Variants in GALNTL6 observed in about 807,000 individuals in gnomAD.
GALNTL6 encodes polypeptide N-acetylgalactosaminyltransferase like 6.
GALNTL6 carries 46 observed loss-of-function variants against 73.7 expected under a neutral mutation model. The observed-to-expected ratio is 0.62, with a 90% CI of 0.49 to 0.80. The LOEUF (loss-of-function observed/expected upper bound fraction) is 0.80, where lower values mean the gene tolerates loss of function less well. Ranked by LOEUF, GALNTL6 falls within the 30% of genes least tolerant of loss-of-function variation. The pLI, the probability that GALNTL6 is intolerant of heterozygous loss-of-function variation, is 0.00. For synonymous variants in GALNTL6, 259 were observed against 263.7 expected (o/e 0.98, Z 0.17); for missense variants, 604 against 755.0 (o/e 0.80, Z 2.34).
intron 5 of GALNTL6, among the ~76,000 whole-genome samples, chr4:172,795,405 C>T (rs780372541): frequency 1.4e-4 from 21 of 152,224 alleles, no homozygotes; most frequent in Non-Finnish European, 2.9e-4. Flanking sequence ...GGTGGTGTGA[C>T]TGGTGACCTC....
chr4:172,705,970 T>G (rs1317854825), intron 5 of GALNTL6, among the ~76,000 whole-genome samples: 2 of 152,110 alleles, frequency 1.3e-5, no homozygotes, highest in Non-Finnish European at 2.9e-5. Flanking sequence ...TTAAATCTGT[T>G]TGGTGATCTT....
intron 3 of GALNTL6, among the ~76,000 whole-genome samples, chr4:172,295,201 C>T (rs758335151): frequency 6.6e-6 from 1 of 152,036 alleles, no homozygotes. Flanking sequence ...GTGGGTGGAT[C>T]ACCTGAGGTC....
intron 5 of GALNTL6, among the ~76,000 whole-genome samples, chr4:172,746,172 G>A (rs7694597): frequency 0.96 from 145,969 of 152,128 alleles, 70,311 homozygotes; most frequent in East Asian, 1. Flanking sequence ...ATTGCTTGCT[G>A]TGTTTTGTTA....
intron 5 of GALNTL6, among the ~76,000 whole-genome samples, chr4:172,698,592 A>G (rs533427010): frequency 6.6e-6 from 1 of 152,280 alleles, no homozygotes; most frequent in East Asian, 1.9e-4. Context: ...TGACCCAGCT[A>G]ACATTCAAGC....
At chr4:172,031,921 T>TA (rs1741783795) in intron 2 of GALNTL6, among the ~76,000 whole-genome samples, 1 of 152,052 alleles carries the variant, frequency 6.6e-6, no homozygotes, top group African/African-American at 2.4e-5. Context: ...AATGCCAAAA[T>TA]ACAGAACTAA....
At chr4:172,829,509 G>C (rs1180351060) in intron 7 of GALNTL6, among the ~76,000 whole-genome samples, 1 of 152,208 alleles carries the variant, frequency 6.6e-6, no homozygotes, top group African/African-American at 2.4e-5. Context: ...CATGGGATCT[G>C]TAGTAGGAAG....
intron 11 of GALNTL6, among the ~76,000 whole-genome samples, chr4:173,019,674 A>G (rs1452148833): frequency 6.6e-6 from 1 of 152,256 alleles, no homozygotes; most frequent in Non-Finnish European, 1.5e-5. Context: ...TGTCTATTCT[A>G]AAAACCCCTT....
At chr4:172,516,064 A>C (rs1252239078) in intron 5 of GALNTL6, among the ~76,000 whole-genome samples, 1 of 152,160 alleles carries the variant, frequency 6.6e-6, no homozygotes, top group Non-Finnish European at 1.5e-5. Flanking sequence ...TGTTTAAATC[A>C]CTTTCAAGTA....
chr4:171,990,940 A>C (rs923255617), intron 2 of GALNTL6, among the ~76,000 whole-genome samples: 3 of 152,330 alleles, frequency 2.0e-5, no homozygotes, highest in African/African-American at 4.8e-5. Flanking sequence ...CAATACAAGA[A>C]GAAAATAAAA....
chr4:172,628,790 CAA>C (rs1249896408), intron 5 of GALNTL6, among the ~76,000 whole-genome samples: 4 of 152,032 alleles, frequency 2.6e-5, no homozygotes, highest in Non-Finnish European at 4.4e-5. Context: ...TTCTTAAAAA[CAA>C]AGATTTCATA....
At chr4:172,344,718 C>T (rs1327903193) in intron 4 of GALNTL6, among the ~76,000 whole-genome samples, 1 of 152,178 alleles carries the variant, frequency 6.6e-6, no homozygotes, top group Non-Finnish European at 1.5e-5. Context: ...GTCCTTAATT[C>T]TATCAGACAA....
At chr4:172,912,095 C>A (rs1313325721) in intron 8 of GALNTL6, among the ~76,000 whole-genome samples, 2 of 152,086 alleles carry the variant, frequency 1.3e-5, no homozygotes. Context: ...GTCAGTTTGC[C>A]CCCCACACAA....
intron 5 of GALNTL6, among the ~76,000 whole-genome samples, chr4:172,438,507 C>T (rs144643737): frequency 3.3e-5 from 5 of 152,070 alleles, no homozygotes; most frequent in African/African-American, 1.2e-4. Context: ...TTAAATTCTT[C>T]AATTCATCAT....
intron 5 of GALNTL6, among the ~76,000 whole-genome samples, chr4:172,546,549 A>C (rs956549614): frequency 3.3e-5 from 5 of 151,582 alleles, no homozygotes; most frequent in Non-Finnish European, 5.9e-5. Flanking sequence ...TAGAGTAGCC[A>C]TGATTGTTTC....
intron 3 of GALNTL6, among the ~76,000 whole-genome samples, chr4:172,291,124 A>C (rs540991527): frequency 6.5e-4 from 99 of 152,242 alleles, no homozygotes; most frequent in South Asian, 1.2e-3. Flanking sequence ...CGTGAAAACC[A>C]TTCCAGGATT....
intron 2 of GALNTL6, among the ~76,000 whole-genome samples, chr4:171,923,988 A>AT (rs1046672172): frequency 1.3e-5 from 2 of 151,964 alleles, no homozygotes; most frequent in Admixed American, 6.6e-5. Context: ...TTTAACTAGG[A>AT]TTTTTTTCTA....
At position 172,395,501 on chromosome 4, in the gene GALNTL6, T is replaced by C. The variant is rs1041890240; in HGVS notation, c.553+46812T>C. Among the ~76,000 whole-genome samples the C allele has an allele frequency of 5.9e-5, 9 of 152,208 alleles. No homozygotes were observed. The East Asian group carries it at 1.7e-3, about 29-fold the overall frequency. On this transcript the variant is annotated intron_variant, in intron 5 of 12. Coordinates refer to ENST00000506823, the MANE Select transcript of GALNTL6 (RefSeq NM_001034845.3). ...TTAGACTATCTTATTATTGTCAACA[T>C]ACAATATTTTTCTCTTGAATATATT...
intron 3 of GALNTL6, among the ~76,000 whole-genome samples, chr4:172,234,212 G>T (rs1032655148): frequency 1.3e-5 from 2 of 151,934 alleles, no homozygotes; most frequent in African/African-American, 4.8e-5. Context: ...TTTTAAAAAT[G>T]TTTTTTTCTA....
intron 5 of GALNTL6, among the ~76,000 whole-genome samples, chr4:172,686,371 T>C (rs1210263671): frequency 1.3e-5 from 2 of 152,158 alleles, no homozygotes; most frequent in Non-Finnish European, 2.9e-5. Flanking sequence ...CCCAAGTGAT[T>C]CATTCATACA....
Sources: gnomAD v4.1 joint callset for allele counts (sites outside exome capture counted in the v4.1 genomes callset) on GRCh38, gnomAD v4.1.1 for gene constraint, MANE v1.5 for transcripts, NCBI Gene and HGNC (gene_info 2026-07-23, HGNC 2026-07-21) for gene names.